Variants in GALNT10 observed in about 807,000 individuals in gnomAD.
The protein encoded by GALNT10 is polypeptide N-acetylgalactosaminyltransferase 10.
GALNT10 carries 41 observed loss-of-function variants against 75.0 expected under a neutral mutation model. That is an observed-to-expected ratio of 0.55 (90% confidence interval 0.43 to 0.71). The LOEUF (loss-of-function observed/expected upper bound fraction) is 0.71. Ranked by LOEUF, GALNT10 falls within the 30% of genes least tolerant of loss-of-function variation. The pLI is 0.00. For synonymous variants in GALNT10, 302 were observed against 313.0 expected (o/e 0.96, Z 0.37); for missense variants, 727 against 818.5 (o/e 0.89, Z 1.36).
At chr5:154,319,503 T>G (rs562967353) in intron 3 of GALNT10, among the ~76,000 whole-genome samples, 1 of 152,312 alleles carries the variant, frequency 6.6e-6, no homozygotes, top group South Asian at 2.1e-4. Context: ...CTGAGCTCCA[T>G]TTTCCTCATC....
At chr5:154,305,793 G>A (rs150988760) in intron 3 of GALNT10, among the ~76,000 whole-genome samples, 2,384 of 152,174 alleles carry the variant, frequency 0.016, 46 homozygotes, top group African/African-American at 0.053. Flanking sequence ...CAAGGAGGGC[G>A]GATCACCTGA....
At chr5:154,202,352 G>T (rs181190920) in intron 1 of GALNT10, among the ~76,000 whole-genome samples, 118 of 152,318 alleles carry the variant, frequency 7.7e-4, no homozygotes, top group African/African-American at 2.7e-3. Context: ...AGCTCGGTGT[G>T]GTGGCCAGGA....
chr5:154,317,531 G>C (rs1208832944), intron 3 of GALNT10, among the ~76,000 whole-genome samples: 4 of 152,066 alleles, frequency 2.6e-5, no homozygotes, highest in African/African-American at 9.7e-5. Flanking sequence ...CTCTGCCCAG[G>C]TCACTTTCTC....
intron 1 of GALNT10, among the ~76,000 whole-genome samples, chr5:154,198,591 A>G (rs534913021): frequency 6.6e-6 from 1 of 152,216 alleles, no homozygotes; most frequent in African/African-American, 2.4e-5. Context: ...GAAATTGTGC[A>G]TGCAGAGGCT....
chr5:154,221,234 T>C (rs1752973626), intron 1 of GALNT10, among the ~76,000 whole-genome samples: 1 of 152,200 alleles, frequency 6.6e-6, no homozygotes, highest in Non-Finnish European at 1.5e-5. Context: ...CGTGGGTGAA[T>C]AGGTAGTTAT....
At chr5:154,274,440 A>T (rs1213511682) in intron 1 of GALNT10, among the ~76,000 whole-genome samples, 1 of 152,182 alleles carries the variant, frequency 6.6e-6, no homozygotes, top group Non-Finnish European at 1.5e-5. Flanking sequence ...AAAAAGGAGA[A>T]CTACTAGTGC....
chr5:154,330,664 A>G (rs1175662803), intron 4 of GALNT10, among the ~76,000 whole-genome samples: 2 of 152,224 alleles, frequency 1.3e-5, no homozygotes, highest in Non-Finnish European at 2.9e-5. Flanking sequence ...CCCTTCAGCC[A>G]GTGGCCTCAA....
intron 1 of GALNT10, among the ~76,000 whole-genome samples, chr5:154,273,371 T>G (rs1159163839): frequency 6.6e-6 from 1 of 152,124 alleles, no homozygotes; most frequent in African/African-American, 2.4e-5. Context: ...GAAAAAGACG[T>G]GTAAGCTTCC....
At chr5:154,406,465 C>T (rs1424678570) in intron 8 of GALNT10, among the ~76,000 whole-genome samples, 1 of 152,114 alleles carries the variant, frequency 6.6e-6, no homozygotes, top group Non-Finnish European at 1.5e-5. Flanking sequence ...ATTATGGTGA[C>T]TAACAACCCT....
At chr5:154,322,568 G>A (rs1754691708) in intron 3 of GALNT10, among the ~76,000 whole-genome samples, 2 of 152,104 alleles carry the variant, frequency 1.3e-5, no homozygotes, top group South Asian at 4.2e-4. Context: ...GGGGATTAGG[G>A]CATGGCCATC....
At chr5:154,225,090 GT>G (rs1234485197) in intron 1 of GALNT10, among the ~76,000 whole-genome samples, 1 of 144,572 alleles carries the variant, frequency 6.9e-6, no homozygotes. Context: ...CCTTTTTGGG[GT>G]TTTTTTGTTT....
rs182845168 is a variant in GALNT10 at position 154,352,557 on chromosome 5, T to A, written c.568+22819T>A. ...AATTGGCCCAAGATCGCACAGCTAG[T>A]AAACGGAAGCTGGGAGCTTCCCTGG... On this transcript the variant is annotated intron_variant, in intron 4 of 11. Transcript: ENST00000297107. This position sits in a 1 kb window ranked among gnomAD's most constrained non-coding sequence, Gnocchi z 4.4. Among the ~76,000 whole-genome samples, 279 of 152,268 alleles carry A rather than the reference T, an allele frequency of 1.8e-3. No individual in the cohort carries two copies. Among genetic ancestry groups the A allele is most frequent in the African/African-American group, 6.4e-3 (268 of 41,560 alleles).
At chr5:154,244,379 C>A (rs1034757899) in intron 1 of GALNT10, among the ~76,000 whole-genome samples, 11 of 151,056 alleles carry the variant, frequency 7.3e-5, no homozygotes, top group African/African-American at 2.7e-4. Flanking sequence ...CCAGCCTGGG[C>A]AACATAGTGA....
intron 6 of GALNT10, 103 bp downstream of exon 6, chr5:154,380,734 G>A: frequency 2.7e-6 from 2 of 736,306 alleles, no homozygotes. Flanking sequence ...CCAATGCAGA[G>A]GGTCCAGCTT....
At chr5:154,220,639 T>C (rs1243737710) in intron 1 of GALNT10, among the ~76,000 whole-genome samples, 1 of 152,178 alleles carries the variant, frequency 6.6e-6, no homozygotes, top group Admixed American at 6.5e-5. Flanking sequence ...TCCAAGCAAA[T>C]GGAATCCTGC....
At chr5:154,397,991 G>A (rs1756083151) in intron 7 of GALNT10, among the ~76,000 whole-genome samples, 1 of 152,198 alleles carries the variant, frequency 6.6e-6, no homozygotes, top group Non-Finnish European at 1.5e-5. Context: ...GTCTTTTATA[G>A]GCACTGTAAT....
chr5:154,366,606 C>T (rs1193551901), intron 4 of GALNT10, among the ~76,000 whole-genome samples: 1 of 151,936 alleles, frequency 6.6e-6, no homozygotes, highest in Non-Finnish European at 1.5e-5. Context: ...CCATAGATAC[C>T]AAAAGCTCCA....
intron 1 of GALNT10, among the ~76,000 whole-genome samples, chr5:154,200,623 C>G (rs1226586714): frequency 6.6e-6 from 1 of 152,078 alleles, no homozygotes; most frequent in Non-Finnish European, 1.5e-5. Flanking sequence ...AATTTGGTAC[C>G]TAACTTCAGT....
rs200474765 is a variant in GALNT10, at chr5:154,409,753, T to C, written c.1377T>C (p.Ala459=). 3.1e-6 allele frequency: 5 copies of C among 1,610,690 alleles called. No homozygotes were observed. In the Admixed American group the frequency reaches 5.0e-5, roughly 16 times the overall value. ...FYPPVEPPAA[A]WGEIRNVGTG... ...CACCCGTGGAGCCCCCGGCTGCAGC[T>C]TGGGGGGAGGTGAGTCTGGAGGGCA... Residue 459 remains alanine, a synonymous_variant, in exon 9 of 12, where the codon GCT becomes GCC. Transcript: ENST00000297107. The surrounding 1 kb of genome is among the most constrained non-coding windows in gnomAD (Gnocchi z 4.5).
Sources: gnomAD v4.1 joint callset for allele counts (sites outside exome capture counted in the v4.1 genomes callset) on GRCh38, gnomAD v4.1.1 for gene constraint, Gnocchi (gnomAD v3.1) non-coding constraint, MANE v1.5 for transcripts, NCBI Gene and HGNC (gene_info 2026-07-23, HGNC 2026-07-21) for gene names.